CDK15: variants seen among roughly 807,000 people sequenced by gnomAD.
The protein encoded by CDK15 is cyclin-dependent kinase 15.
CDK15 carries 62 observed loss-of-function variants against 60.3 expected under a neutral mutation model. That is an observed-to-expected ratio of 1.03 (90% CI 0.84 to 1.27). The LOEUF (loss-of-function observed/expected upper bound fraction) is 1.27, where lower values mean the gene tolerates loss of function less well. CDK15 is among the 50% of genes most tolerant of loss of function. The probability of loss-of-function intolerance (pLI) is 0.00; values close to 1 mark genes in which losing one functional copy is unlikely to be tolerated. For synonymous variants in CDK15, 194 were observed against 195.7 expected (o/e 0.99, Z 0.07); for missense variants, 541 against 527.8 (o/e 1.03, Z -0.25).
intron 11 of CDK15, among the ~76,000 whole-genome samples, chr2:201,874,137 C>A (rs1187283585): frequency 6.6e-6 from 1 of 151,400 alleles, no homozygotes; most frequent in Non-Finnish European, 1.5e-5. Context: ...AATACAGTAG[C>A]CATTAGCCAC....
chr2:201,832,352 C>T (rs577475917), intron 6 of CDK15, among the ~76,000 whole-genome samples: 21 of 152,298 alleles, frequency 1.4e-4, no homozygotes, highest in East Asian at 9.7e-4. Flanking sequence ...GTCTGAAAAA[C>T]GTATTTTTAA....
chr2:201,886,082 G>A (rs959891676), intron 12 of CDK15, among the ~76,000 whole-genome samples: 8 of 152,148 alleles, frequency 5.3e-5, no homozygotes, highest in African/African-American at 1.9e-4. Flanking sequence ...CCAAGATCTT[G>A]ATGCCCAGTT....
chr2:201,889,748 G>A (rs1699576986), intron 12 of CDK15, among the ~76,000 whole-genome samples: 1 of 151,728 alleles, frequency 6.6e-6, no homozygotes, highest in East Asian at 1.9e-4. Flanking sequence ...GCACCTTAGA[G>A]TCTATATAAA....
chr2:201,886,136 C>T (rs1330722114), intron 12 of CDK15, among the ~76,000 whole-genome samples: 1 of 152,106 alleles, frequency 6.6e-6, no homozygotes. Context: ...TATTTTAAAG[C>T]TTTTCTGGGA....
intron 6 of CDK15, among the ~76,000 whole-genome samples, chr2:201,825,312 CAAAAA>C (rs200857853): frequency 2.3e-5 from 2 of 86,948 alleles, no homozygotes. Context: ...GACTCCAACT[CAAAAA>C]AAAAAAAAAA....
chr2:201,823,170 C>A (rs1057459841), intron 5 of CDK15, among the ~76,000 whole-genome samples: 5 of 152,194 alleles, frequency 3.3e-5, no homozygotes, highest in Admixed American at 3.3e-4. Context: ...AAAACTTTTG[C>A]ACTTATTTTT....
At chr2:201,877,619 T>A (rs1193009329) in intron 11 of CDK15, among the ~76,000 whole-genome samples, 1 of 152,060 alleles carries the variant, frequency 6.6e-6, no homozygotes, top group African/African-American at 2.4e-5. Context: ...ACATTCCTCT[T>A]CCAAACGTCC....
chr2:201,835,964 A>ATTTATATATT (rs1261623061), intron 8 of CDK15, among the ~76,000 whole-genome samples: 2 of 99,994 alleles, frequency 2.0e-5, no homozygotes, highest in African/African-American at 7.1e-5. Context: ...ATTTGTATAT[A>ATTTATATATT]TTTATATATT....
In CDK15 at chr2:201,807,941, G is replaced by A. The variant is rs1265901696; in HGVS notation, c.357G>A (p.Lys119=). The change falls in exon 3 of 14, where the codon AAG becomes AAA. Residue 119 remains lysine, a synonymous_variant. Coordinates refer to ENST00000652192, the MANE Select transcript of CDK15 (RefSeq NM_001366386.2). The part of the protein sequence containing the change: ...LGEGSYATVY[K]GISRINGQLV... ...AAGGCTCTTATGCGACAGTTTACAA[G>A]GGGATTAGCAGGTGAGTGACACATA... The A allele has an allele frequency of 6.2e-7, 1 of 1,613,888 alleles. No homozygotes were observed. The highest frequency in any genetic ancestry group is 8.5e-7 in the Non-Finnish European group (1 of 1,179,932).
At chr2:201,850,116 C>T (rs1049732262) in intron 9 of CDK15, among the ~76,000 whole-genome samples, 2 of 152,182 alleles carry the variant, frequency 1.3e-5, no homozygotes, top group African/African-American at 4.8e-5. Context: ...AGCCACCGCG[C>T]CCAGCCTCAT....
At chr2:201,815,739 T>A (rs1695962373) in intron 4 of CDK15, among the ~76,000 whole-genome samples, 1 of 152,234 alleles carries the variant, frequency 6.6e-6, no homozygotes. Context: ...TTTCAGCCTG[T>A]TAATAGCATT....
chr2:201,808,604 CGCTTTTTTCTTT>C (rs1489024265), intron 3 of CDK15: 4 of 152,078 alleles, frequency 2.6e-5, no homozygotes, highest in Admixed American at 6.5e-5. Flanking sequence ...GTTGGATGGT[CGCTTTTTTCTTT>C]ATGTTACTCC....
chr2:201,812,573 C>G lies in CDK15; in HGVS notation c.448+11C>G, dbSNP rs775781314. 7.6e-6 allele frequency: 12 copies of G among 1,587,690 alleles called. No individual in the cohort carries two copies. The highest frequency in any genetic ancestry group is 8.6e-6 in the Non-Finnish European group (10 of 1,156,914). On this transcript the variant is annotated intron_variant, in intron 4 of 13. Transcript: ENST00000652192. ...CAGCTATCCGAGAAGGTAAGAACAG[C>G]AGAAATGGACCCAATAGATCTGTTT...
intron 13 of CDK15, among the ~76,000 whole-genome samples, chr2:201,891,947 A>C (rs1056032127): frequency 1.1e-4 from 16 of 151,402 alleles, no homozygotes; most frequent in African/African-American, 3.4e-4. Flanking sequence ...CTCCCTACAC[A>C]CCCCCCAACA....
At position 201,880,170 on chromosome 2, in the gene CDK15, G is replaced by A. The variant is rs147609583; in HGVS notation, c.1198+3G>A. 3.5e-4 allele frequency: 566 copies of A among 1,613,826 alleles called. 2 individuals carry two copies. In the African/African-American group the frequency reaches 6.7e-3, roughly 19 times the overall value. On this transcript the variant is annotated splice_donor_region_variant and intron_variant, in intron 12 of 13. Transcript: ENST00000652192. ...TCAGCTGTACCAGCTTCCTGATGGT[G>A]AGCGAGGGAGTGTGTGCGTGTGCGT... is the stretch of plus-strand genomic sequence containing the variant.
chr2:201,853,874 A>G (rs1213530779), intron 9 of CDK15, among the ~76,000 whole-genome samples: 1 of 152,160 alleles, frequency 6.6e-6, no homozygotes, highest in African/African-American at 2.4e-5. Flanking sequence ...TAAATTGGTC[A>G]TTCAAGGCCA....
intron 6 of CDK15, 22 bp from the exon 7 acceptor site, chr2:201,833,826 G>A (rs1488239725): frequency 6.2e-7 from 1 of 1,602,540 alleles, no homozygotes; most frequent in South Asian, 1.1e-5. Context: ...ATCTCCTTAT[G>A]GATAGTGTTT....
At chr2:201,872,797 A>G (rs963915874) in intron 11 of CDK15, among the ~76,000 whole-genome samples, 2 of 152,330 alleles carry the variant, frequency 1.3e-5, no homozygotes, top group Admixed American at 1.3e-4. Context: ...AAAGTAAAAC[A>G]GATAATAGAG....
chr2:201,881,803 G>A (rs776700876), intron 12 of CDK15, among the ~76,000 whole-genome samples: 4 of 151,942 alleles, frequency 2.6e-5, no homozygotes, highest in African/African-American at 4.8e-5. Context: ...CCCAGTCCAA[G>A]CCCCTAGATT....
Sources: allele counts gnomAD v4.1 joint callset (sites outside exome capture counted in the v4.1 genomes callset), GRCh38; gene constraint gnomAD v4.1.1; transcripts MANE v1.5; gene names NCBI Gene and HGNC (gene_info 2026-07-23, HGNC 2026-07-21).